Variants in VIT observed in about 807,000 individuals in gnomAD.
The protein encoded by VIT is vitrin.
Under a neutral mutation model 78.0 loss-of-function variants are expected in VIT, and 99 were observed. That is an observed-to-expected ratio of 1.27 (90% CI 1.08 to 1.50). VIT has a LOEUF of 1.50. VIT is among the 40% of genes most tolerant of loss of function. VIT has a pLI of 0.00. For missense variants in VIT, 1,126 were observed against 875.3 expected (o/e 1.29, Z -3.61); for synonymous variants, 374 against 334.3 (o/e 1.12, Z -1.29).
rs200786808 is a variant in VIT at position 36,730,286 on chromosome 2, GA to G, written c.118+808del. 7.1e-3 allele frequency among the ~76,000 whole-genome samples: 975 copies of G among 137,366 alleles called. 12 individuals carry two copies. The highest frequency in any genetic ancestry group is 0.023 in the African/African-American group (860 of 37,272). 90.1% of individuals were successfully genotyped at this position (137,366 alleles called of 152,430 possible). Reference sequence around the variant, plus strand: ...CTGGGCCACAGAGTGAGACTGTGTGGAAAAAAAAAAAAACAGGGGGAAAAAA... The same window carrying G: ...CTGGGCCACAGAGTGAGACTGTGTGGAAAAAAAAAAAACAGGGGGAAAAAA... On this transcript the variant is annotated intron_variant, in intron 3 of 15. Transcript: ENST00000379242.
intron 9 of VIT, among the ~76,000 whole-genome samples, chr2:36,780,146 T>C (rs1664644799): frequency 6.6e-6 from 1 of 152,250 alleles, no homozygotes; most frequent in Admixed American, 6.5e-5. Context: ...TGGATGAATG[T>C]AATTTGGTTC....
intron 1 of VIT, among the ~76,000 whole-genome samples, chr2:36,698,920 G>A (rs1439630820): frequency 1.5e-4 from 23 of 151,508 alleles, no homozygotes; most frequent in Admixed American, 1.5e-3. Context: ...CTCCAGCCTG[G>A]GCAACAAAGT....
At chr2:36,699,605 T>G (rs75992587) in intron 1 of VIT, among the ~76,000 whole-genome samples, 2 of 117,616 alleles carry the variant, frequency 1.7e-5, no homozygotes, top group Admixed American at 9.2e-5. Flanking sequence ...GATATAGATA[T>G]AGATATAGAT....
At chr2:36,700,839 C>T (rs1326451681) in intron 1 of VIT, among the ~76,000 whole-genome samples, 1 of 152,084 alleles carries the variant, frequency 6.6e-6, no homozygotes, top group Non-Finnish European at 1.5e-5. Flanking sequence ...TCATTTAACC[C>T]TAACAGCAAA....
rs1668685080 is a variant in VIT, at chr2:36,755,081, G to C, written c.409+27G>C. 4.4e-6 allele frequency: 7 copies of C among 1,602,290 alleles called. No individual in the cohort carries two copies. The Middle Eastern group carries it at 1.0e-3, about 228-fold the overall frequency. On this transcript the variant is annotated intron_variant, in intron 5 of 15. Transcript: ENST00000379242. Reference sequence around the variant, plus strand: ...TATGACCACACACTGGAGAAACGCTGCTAAACCTACCACAAGATGAAATGT... The same window carrying C: ...TATGACCACACACTGGAGAAACGCTCCTAAACCTACCACAAGATGAAATGT...
intron 12 of VIT, among the ~76,000 whole-genome samples, chr2:36,798,848 C>T (rs889058887): frequency 1.3e-5 from 2 of 152,164 alleles, no homozygotes; most frequent in African/African-American, 4.8e-5. Context: ...CCACAGTGCT[C>T]CTCCACTGTG....
At chr2:36,805,314 A>AAAC in intron 13 of VIT, 124 bp from the exon 14 acceptor site, 1 of 1,164,980 alleles carries the variant, frequency 8.6e-7, no homozygotes, top group Non-Finnish European at 1.2e-6. Context: ...AAAGGAAAAA[A>AAAC]AAAAAAAAAA....
intron 12 of VIT, among the ~76,000 whole-genome samples, chr2:36,797,069 T>A (rs986572107): frequency 4.6e-5 from 7 of 151,832 alleles, no homozygotes; most frequent in African/African-American, 1.4e-4. Flanking sequence ...TTTTTCATTT[T>A]GTAGCCAATA....
intron 5 of VIT, among the ~76,000 whole-genome samples, chr2:36,756,061 G>T (rs932524487): frequency 6.7e-6 from 1 of 149,482 alleles, no homozygotes; most frequent in Non-Finnish European, 1.5e-5. Flanking sequence ...GGGTTCAAGC[G>T]ATTTTCCTGC....
chr2:36,790,545 C>G (rs1159989162), intron 12 of VIT, among the ~76,000 whole-genome samples: 1 of 152,206 alleles, frequency 6.6e-6, no homozygotes, highest in Non-Finnish European at 1.5e-5. Flanking sequence ...CCACAGCATT[C>G]CTACCACACT....
chr2:36,760,572 A>T (rs1322871723), intron 6 of VIT, among the ~76,000 whole-genome samples: 1 of 152,176 alleles, frequency 6.6e-6, no homozygotes, highest in Non-Finnish European at 1.5e-5. Context: ...CTGGGCACAG[A>T]GACGAAGAAT....
At chr2:36,731,267 TTTTTA>T (rs1250281787) in intron 3 of VIT, among the ~76,000 whole-genome samples, 2 of 152,116 alleles carry the variant, frequency 1.3e-5, no homozygotes, top group Admixed American at 6.5e-5. Flanking sequence ...AATGTCTTCA[TTTTTA>T]TTTTATTTTA....
intron 12 of VIT, among the ~76,000 whole-genome samples, chr2:36,799,227 G>A (rs75097017): frequency 0.011 from 1,627 of 152,238 alleles, 19 homozygotes; most frequent in African/African-American, 0.037. Flanking sequence ...GAAAGGAAGC[G>A]GGGAGGCAGA....
Position 36,767,188 on chromosome 2 carries a change from G to A in VIT, c.582G>A (p.Val194=), listed in dbSNP as rs1454672132. ...AGCTTCTGGCTGTCACTGTAGCTGT[G>A]GCCACCCCCACCACCTTGCCAAGGC... ...LMQLLAVTVA[V]ATPTTLPRPS... Residue 194 remains valine (V), a synonymous_variant, in exon 7 of 16, where the codon GTG becomes GTA. Coordinates refer to ENST00000379242, the MANE Select transcript of VIT (RefSeq NM_053276.4). 6.2e-7 allele frequency: 1 copy of A among 1,610,780 alleles called. No individual in the cohort carries two copies. The highest frequency in any genetic ancestry group is 8.5e-7 in the Non-Finnish European group (1 of 1,178,744).
At chr2:36,810,655 G>T (rs1314296433) in intron 15 of VIT, among the ~76,000 whole-genome samples, 2 of 148,822 alleles carry the variant, frequency 1.3e-5, no homozygotes, top group Non-Finnish European at 3.0e-5. Flanking sequence ...TTTTTCTGAG[G>T]CAGTGTCTTG....
intron 3 of VIT, among the ~76,000 whole-genome samples, chr2:36,736,746 G>A (rs1192682843): frequency 6.6e-6 from 1 of 152,216 alleles, no homozygotes; most frequent in Non-Finnish European, 1.5e-5. Flanking sequence ...ACACTCAGAA[G>A]TAGGTTAGAG....
chr2:36,726,127 A>G (rs950691050), intron 2 of VIT, among the ~76,000 whole-genome samples: 1 of 152,120 alleles, frequency 6.6e-6, no homozygotes, highest in African/African-American at 2.4e-5. Flanking sequence ...ATTTTAAGTG[A>G]GCATACATTT....
intron 1 of VIT, among the ~76,000 whole-genome samples, chr2:36,710,694 A>G (rs1176149481): frequency 1.3e-5 from 2 of 152,152 alleles, no homozygotes; most frequent in African/African-American, 4.8e-5. Flanking sequence ...CATTTAACAT[A>G]ATTATTTTGA....
At chr2:36,707,777 G>A (rs1212215912) in intron 1 of VIT, among the ~76,000 whole-genome samples, 1 of 151,050 alleles carries the variant, frequency 6.6e-6, no homozygotes, top group Non-Finnish European at 1.5e-5. Context: ...TGCATTCTTA[G>A]GAACCACCAT....
Sources: allele counts gnomAD v4.1 joint callset (sites outside exome capture counted in the v4.1 genomes callset), GRCh38; gene constraint gnomAD v4.1.1; transcripts MANE v1.5; gene names NCBI Gene and HGNC (gene_info 2026-07-23, HGNC 2026-07-21).